NMRAL1: variants seen among roughly 807,000 people sequenced by gnomAD.
NMRAL1 encodes NmrA like redox sensor 1, also known as nmrA-like family domain-containing protein 1.
A neutral mutation model predicts 27.5 loss-of-function variants in NMRAL1; 32 were observed. The observed-to-expected ratio is 1.16, with a 90% confidence interval of 0.88 to 1.56. NMRAL1 has a LOEUF of 1.56. NMRAL1 is among the 40% of genes most tolerant of loss of function. The pLI is 0.00. For synonymous variants in NMRAL1, 166 were observed against 166.8 expected (o/e 1.00, Z 0.04); for missense variants, 420 against 392.0 (o/e 1.07, Z -0.60).
intron 4 of NMRAL1, 41 bp downstream of exon 4, chr16:4,466,112 G>A: frequency 1.2e-6 from 2 of 1,610,744 alleles, no homozygotes; most frequent in East Asian, 4.5e-5. Context: ...GCTTTACAGG[G>A]TGAGAGCTCT....
rs779853896 is a variant in NMRAL1 at position 4,461,770 on chromosome 16, G to T, written c.*10C>A. ...CCCCGATCCCCACAAGGGGCCGCGA[G>T]GCGGGCAGGTCACAGCAGGTTGAAG... On this transcript the variant is annotated 3_prime_UTR_variant, in exon 6 of 6. Transcript: ENST00000283429. 3 of 1,602,804 alleles carry T rather than the reference G, an allele frequency of 1.9e-6. No individual in the cohort carries two copies. In the Admixed American group the frequency reaches 5.2e-5, roughly 28 times the overall value.
rs748182600 is a variant in NMRAL1 at position 4,469,296 on chromosome 16, A to G, written c.210T>C (p.Asn70=). 397 of 1,614,042 alleles carry G rather than the reference A, an allele frequency of 2.5e-4. 2 individuals carry two copies. Among genetic ancestry groups the G allele is most frequent in the Non-Finnish European group, 3.2e-4 (380 of 1,179,998 alleles). The change falls in exon 3 of 6, where the codon AAT becomes AAC. Residue 70 remains asparagine (N), a synonymous_variant. Coordinates refer to ENST00000283429, the MANE Select transcript of NMRAL1 (RefSeq NM_020677.6). ...TCACGATGAAGGTGGCGTAAGCCCC[A>G]TTCAGGGCCAGCTCCATGATGACCT... ...DDQVIMELAL[N]GAYATFIVTN...
rs34104543 is a variant in NMRAL1 at position 4,470,161 on chromosome 16, CAAAAAA to C, written c.41-702_41-697del. ...TGGGTGACAAAGTGAGATTCCCTCT[CAAAAAA>C]AAAAAAAAAAAAAAAAAAAGGGCCT... On this transcript the variant is annotated intron_variant, in intron 2 of 5. Coordinates refer to ENST00000283429, the MANE Select transcript of NMRAL1 (RefSeq NM_020677.6). 9.7e-5 allele frequency among the ~76,000 whole-genome samples: 5 copies of C among 51,494 alleles called. No individual in the cohort carries two copies. The South Asian group carries it at 3.6e-3, about 37-fold the overall frequency. The allele number at this position is 51,494 out of a possible 152,430, so 33.8% of individuals were successfully genotyped here.
chr16:4,464,092 C>T, intron 4 of NMRAL1: 1 of 533,910 alleles, frequency 1.9e-6, no homozygotes, highest in Non-Finnish European at 3.3e-6. Flanking sequence ...GCTCTCTGAG[C>T]CTGGGTTGCT....
intron 4 of NMRAL1, 106 bp downstream of exon 4, chr16:4,466,047 C>G (rs2057309957): frequency 7.1e-7 from 1 of 1,402,932 alleles, no homozygotes. Flanking sequence ...CGTGAGGGAG[C>G]CACGGCTTGA....
At chr16:4,468,381 C>G (rs535043580) in intron 3 of NMRAL1, among the ~76,000 whole-genome samples, 4 of 152,158 alleles carry the variant, frequency 2.6e-5, no homozygotes, top group Admixed American at 6.6e-5. Context: ...TTTGGGAGGC[C>G]GAGGTGGGCG....
Position 4,463,864 on chromosome 16 carries a change from A to T in NMRAL1, c.530-14T>A. 6.2e-7 allele frequency: 1 copy of T among 1,609,560 alleles called. No individual in the cohort carries two copies. The highest frequency in any genetic ancestry group is 8.5e-7 in the Non-Finnish European group (1 of 1,176,924). ...CTGTGGGCAAGCCTGTGGGGCAGAG[A>T]CGTGAGCTGGTATATGTCCCGAGGG... On this transcript the variant is annotated splice_polypyrimidine_tract_variant and intron_variant, in intron 4 of 5. Coordinates refer to ENST00000283429, the MANE Select transcript of NMRAL1 (RefSeq NM_020677.6).
intron 4 of NMRAL1, 24 bp downstream of exon 4, chr16:4,466,129 C>T (rs765556151): frequency 6.2e-7 from 1 of 1,613,244 alleles, no homozygotes; most frequent in South Asian, 1.1e-5. Context: ...CTCTGCCTCA[C>T]CGTGTGCGAG....
chr16:4,463,914 C>T, intron 4 of NMRAL1, 64 bp from the exon 5 acceptor site: 5 of 1,429,208 alleles, frequency 3.5e-6, no homozygotes, highest in South Asian at 1.2e-5. Context: ...GACAGAGCCC[C>T]TCTCCAAAGG....
intron 5 of NMRAL1, among the ~76,000 whole-genome samples, chr16:4,462,518 G>A (rs1345229967): frequency 2.6e-5 from 4 of 152,212 alleles, no homozygotes; most frequent in African/African-American, 7.2e-5. Flanking sequence ...TTCAGATCAT[G>A]AGACGAAAAT....
intron 4 of NMRAL1, among the ~76,000 whole-genome samples, chr16:4,464,976 C>T (rs1204150806): frequency 3.3e-5 from 5 of 150,320 alleles, no homozygotes; most frequent in East Asian, 2.0e-4. Context: ...GCCACGATCT[C>T]GGCTCACTGC....
At chr16:4,475,929 C>T (rs1384440613), upstream of NMRAL1, 1 of 152,182 alleles carries the variant, frequency 6.6e-6, no homozygotes, top group Non-Finnish European at 1.5e-5. Context: ...ACGAGCAAAA[C>T]TCGGTCTCAA....
chr16:4,469,991 T>C (rs533220664), intron 2 of NMRAL1, among the ~76,000 whole-genome samples: 48 of 150,260 alleles, frequency 3.2e-4, no homozygotes, highest in Middle Eastern at 6.9e-3. Flanking sequence ...AGTGAAACCC[T>C]GTCTCTGCTA....
chr16:4,469,106 A>G (rs1385984121), intron 3 of NMRAL1, 121 bp downstream of exon 3: 2 of 692,474 alleles, frequency 2.9e-6, no homozygotes, highest in Non-Finnish European at 5.2e-6. Context: ...TAGAGCAGGC[A>G]GAGGCATGAA....
chr16:4,473,390 C>T (rs369965710), intron 2 of NMRAL1, among the ~76,000 whole-genome samples: 2 of 151,834 alleles, frequency 1.3e-5, no homozygotes, highest in East Asian at 3.9e-4. Flanking sequence ...TTGTATAGTA[C>T]GTGAATTATA....
rs535460496 is a variant in NMRAL1 at position 4,474,540 on chromosome 16, A to G, written c.-35+14T>C. 4.4e-4 allele frequency: 73 copies of G among 165,740 alleles called. No homozygotes were observed. Among genetic ancestry groups the G allele is most frequent in the African/African-American group, 1.6e-3 (67 of 41,950 alleles). 10.3% of individuals were successfully genotyped at this position (165,740 alleles called of 1,614,324 possible). A position where few individuals can be genotyped will look rare whatever the true frequency, so the allele number is the denominator to read the frequency against. ...CGCTAGGCGCCAACTCCCTCCCCGC[A>G]GCTCCGGCCCCACCTGGCAGAGCGC... On this transcript the variant is annotated intron_variant, in intron 1 of 5. Transcript: ENST00000283429.
chr16:4,472,932 G>T (rs2057634890), intron 2 of NMRAL1, among the ~76,000 whole-genome samples: 1 of 151,402 alleles, frequency 6.6e-6, no homozygotes, highest in Non-Finnish European at 1.5e-5. Flanking sequence ...TGGCTGGGAG[G>T]AGTAAGAATG....
intron 3 of NMRAL1, among the ~76,000 whole-genome samples, chr16:4,468,625 A>AG (rs1429945324): frequency 6.6e-6 from 1 of 152,042 alleles, no homozygotes; most frequent in African/African-American, 2.4e-5. Context: ...CAAAAAAAAA[A>AG]AAAAAAAAAA....
At chr16:4,464,528 C>T (rs974190272) in intron 4 of NMRAL1, among the ~76,000 whole-genome samples, 3 of 151,540 alleles carry the variant, frequency 2.0e-5, no homozygotes, top group Non-Finnish European at 4.4e-5. Flanking sequence ...AGACAGGGGC[C>T]AGTGCAGCTT....
Sources: allele counts gnomAD v4.1 joint callset (sites outside exome capture counted in the v4.1 genomes callset), GRCh38; gene constraint gnomAD v4.1.1; transcripts MANE v1.5; gene names NCBI Gene and HGNC (gene_info 2026-07-23, HGNC 2026-07-21).